Variants in GRID2 observed in about 807,000 individuals in gnomAD.
GRID2 encodes the protein glutamate receptor ionotropic, delta-2.
Under a neutral mutation model 114.8 loss-of-function variants are expected in GRID2, and 33 were observed. That is an observed-to-expected ratio of 0.29 (90% CI 0.22 to 0.38). The LOEUF (loss-of-function observed/expected upper bound fraction) is 0.38, where lower values mean the gene tolerates loss of function less well. Among genes scored for constraint, GRID2 ranks in the 10% least tolerant of loss-of-function variants. The probability of loss-of-function intolerance (pLI) is 1.00; values close to 1 mark genes in which losing one functional copy is unlikely to be tolerated. For missense variants in GRID2, 1,184 were observed against 1,257.7 expected, an observed-to-expected ratio of 0.94 and a Z score of 0.89; for synonymous variants, 505 against 449.9, an observed-to-expected ratio of 1.12 and a Z score of -1.55.
chr4:93,463,899 G>A (rs1040303820), intron 11 of GRID2, among the ~76,000 whole-genome samples: 3 of 152,100 alleles, frequency 2.0e-5, no homozygotes, highest in African/African-American at 7.2e-5. Flanking sequence ...TGAGGCAGGA[G>A]AATGGCGTGA....
At chr4:93,602,533 T>C (rs1739786811) in intron 13 of GRID2, among the ~76,000 whole-genome samples, 1 of 152,220 alleles carries the variant, frequency 6.6e-6, no homozygotes, top group Non-Finnish European at 1.5e-5. Flanking sequence ...TCTGCTGAAG[T>C]GATCTGTTAC....
chr4:92,955,523 G>C (rs949587079), intron 2 of GRID2, among the ~76,000 whole-genome samples: 6 of 151,916 alleles, frequency 3.9e-5, no homozygotes, highest in Non-Finnish European at 8.8e-5. Context: ...TTAGCCCTTT[G>C]TCAGATGAGT....
chr4:93,208,518 A>G (rs1743077800), intron 5 of GRID2, among the ~76,000 whole-genome samples: 1 of 151,984 alleles, frequency 6.6e-6, no homozygotes, highest in Non-Finnish European at 1.5e-5. Flanking sequence ...CTTATATATT[A>G]TCTTATGGAA....
intron 2 of GRID2, among the ~76,000 whole-genome samples, chr4:92,906,036 A>C (rs1747928012): frequency 6.6e-6 from 1 of 152,136 alleles, no homozygotes; most frequent in African/African-American, 2.4e-5. Context: ...TTGGAGAGTT[A>C]ATTTATATAC....
intron 10 of GRID2, among the ~76,000 whole-genome samples, chr4:93,439,124 A>G (rs867195812): frequency 3.0e-4 from 46 of 152,200 alleles, no homozygotes; most frequent in African/African-American, 1.0e-3. Flanking sequence ...GCTATTGTGA[A>G]GAGTGCAGCT....
At chr4:93,708,148 T>C (rs1560929644) in intron 14 of GRID2, among the ~76,000 whole-genome samples, 2 of 152,058 alleles carry the variant, frequency 1.3e-5, no homozygotes, top group African/African-American at 2.4e-5. Context: ...AAGAGAAGAA[T>C]GTATATTCTT....
chr4:93,011,917 G>A (rs1722213053), intron 2 of GRID2, among the ~76,000 whole-genome samples: 1 of 151,738 alleles, frequency 6.6e-6, no homozygotes, highest in Admixed American at 6.6e-5. Flanking sequence ...GTTTTATAAT[G>A]TACAATGATA....
intron 8 of GRID2, among the ~76,000 whole-genome samples, chr4:93,360,363 T>C (rs1761774047): frequency 6.6e-6 from 1 of 151,992 alleles, no homozygotes; most frequent in Non-Finnish European, 1.5e-5. Flanking sequence ...CTTAGTTCAT[T>C]TATTTTAATT....
intron 14 of GRID2, among the ~76,000 whole-genome samples, chr4:93,703,810 A>T (rs1274962501): frequency 6.6e-6 from 1 of 151,944 alleles, no homozygotes; most frequent in Non-Finnish European, 1.5e-5. Context: ...CCATGTCCCT[A>T]CAAAGGACAT....
chr4:92,764,988 T>TA (rs1426910662), intron 2 of GRID2, among the ~76,000 whole-genome samples: 1 of 152,216 alleles, frequency 6.6e-6, no homozygotes, highest in East Asian at 1.9e-4. Context: ...ACCACCATAA[T>TA]AACTCATTCC....
At chr4:92,867,319 C>A (rs1221964672) in intron 2 of GRID2, among the ~76,000 whole-genome samples, 1 of 152,058 alleles carries the variant, frequency 6.6e-6, no homozygotes, top group Non-Finnish European at 1.5e-5. Context: ...CTCCTTACTG[C>A]AATTAAGGAA....
At chr4:92,676,190 T>TTTG (rs201642170) in intron 2 of GRID2, among the ~76,000 whole-genome samples, 5,614 of 125,514 alleles carry the variant, frequency 0.045, 219 homozygotes, top group East Asian at 0.15. Flanking sequence ...TGTGGTTGTT[T>TTTG]TTGTTGTTGA....
At chr4:92,348,625 A>G (rs1727902814) in intron 1 of GRID2, among the ~76,000 whole-genome samples, 1 of 152,204 alleles carries the variant, frequency 6.6e-6, no homozygotes, top group African/African-American at 2.4e-5. Context: ...ATAGGGGTGT[A>G]GAAATACAAG....
At chr4:93,296,064 C>T (rs1017394178) in intron 8 of GRID2, among the ~76,000 whole-genome samples, 1 of 152,126 alleles carries the variant, frequency 6.6e-6, no homozygotes, top group Non-Finnish European at 1.5e-5. Flanking sequence ...GTTCTGGAGG[C>T]CAGAAGTTTA....
chr4:93,610,822 G>T (rs1740802419), intron 13 of GRID2, among the ~76,000 whole-genome samples: 2 of 120,032 alleles, frequency 1.7e-5, no homozygotes, highest in Non-Finnish European at 3.4e-5. Flanking sequence ...AATGATGCTG[G>T]CCTCATAAAA....
At chr4:93,144,209 C>G (rs532646807) in intron 4 of GRID2, among the ~76,000 whole-genome samples, 24 of 152,190 alleles carry the variant, frequency 1.6e-4, no homozygotes, top group Admixed American at 5.9e-4. Context: ...AAAAGAGACT[C>G]AAGATGATGG....
intron 2 of GRID2, among the ~76,000 whole-genome samples, chr4:92,961,941 C>G (rs535973379): frequency 6.2e-4 from 94 of 151,724 alleles, no homozygotes; most frequent in Non-Finnish European, 1.1e-3. Context: ...TCAACCATGA[C>G]CGATCTACTA....
intron 2 of GRID2, among the ~76,000 whole-genome samples, chr4:92,795,922 T>C (rs973868881): frequency 6.6e-6 from 1 of 152,014 alleles, no homozygotes; most frequent in Non-Finnish European, 1.5e-5. Flanking sequence ...TTTATTTATA[T>C]ATTTTTGCCA....
At position 93,279,922 on chromosome 4, in the gene GRID2, C is replaced by T. The variant is rs554673612; in HGVS notation, c.1245+41432C>T. Among the ~76,000 whole-genome samples, 70 of 151,886 alleles carry T rather than the reference C, an allele frequency of 4.6e-4. 1 individual carries two copies. The South Asian group carries it at 0.013, about 28-fold the overall frequency. On this transcript the variant is annotated intron_variant, in intron 8 of 15. Coordinates refer to ENST00000282020, the MANE Select transcript of GRID2 (RefSeq NM_001510.4). ...TTGAAGGGCATTGTATGCGAAACTG[C>T]GGAGTTTGGATTTTACCCCATGTGA...
Sources: allele counts gnomAD v4.1 joint callset (sites outside exome capture counted in the v4.1 genomes callset), GRCh38; gene constraint gnomAD v4.1.1; transcripts MANE v1.5; gene names NCBI Gene and HGNC (gene_info 2026-07-23, HGNC 2026-07-21).